The following MTA3 variants were observed in gnomAD, a reference collection of about 807,000 sequenced individuals.
The protein encoded by MTA3 is metastasis-associated protein MTA3.
MTA3 carries 34 observed loss-of-function variants against 83.5 expected under a neutral mutation model. That is an observed-to-expected ratio of 0.41 (90% CI 0.31 to 0.54). MTA3 has a LOEUF of 0.54. Ranked by LOEUF, MTA3 falls within the 20% of genes least tolerant of loss-of-function variation. The pLI is 0.33. For synonymous variants in MTA3, 303 were observed against 252.7 expected (o/e 1.20, Z -1.89); for missense variants, 761 against 726.4 (o/e 1.05, Z -0.55).
At chr2:42,500,811 CTTTTT>C (rs1177557640) in intron 2 of MTA3, among the ~76,000 whole-genome samples, 1 of 133,168 alleles carries the variant, frequency 7.5e-6, no homozygotes. Context: ...CTTTATGAAG[CTTTTT>C]TTTTTTTTTT....
intron 4 of MTA3, among the ~76,000 whole-genome samples, chr2:42,638,704 A>G (rs62142745): frequency 1.5e-5 from 1 of 67,604 alleles, no homozygotes; most frequent in Non-Finnish European, 2.7e-5. Context: ...AAGTGATGTT[A>G]ATTTTTTTTT....
At chr2:42,523,453 C>A (rs1675521605) in intron 2 of MTA3, among the ~76,000 whole-genome samples, 1 of 152,122 alleles carries the variant, frequency 6.6e-6, no homozygotes, top group Admixed American at 6.6e-5. Context: ...GATCCAGCCT[C>A]AACCAGGAAG....
At chr2:42,589,633 A>C (rs1371033469) in intron 3 of MTA3, among the ~76,000 whole-genome samples, 1 of 152,048 alleles carries the variant, frequency 6.6e-6, no homozygotes, top group Non-Finnish European at 1.5e-5. Context: ...GCTTACTGCA[A>C]CCTCTGCCTT....
chr2:42,721,004 T>C (rs2104538360), intron 15 of MTA3, among the ~76,000 whole-genome samples: 1 of 150,664 alleles, frequency 6.6e-6, no homozygotes, highest in African/African-American at 2.4e-5. Context: ...AATATAACAT[T>C]ATTAGCCTTT....
chr2:42,538,448 C>T (rs1222185423), intron 2 of MTA3, among the ~76,000 whole-genome samples: 1 of 151,866 alleles, frequency 6.6e-6, no homozygotes, highest in African/African-American at 2.4e-5. Context: ...TGGCTCATGC[C>T]TGTAATCCCA....
chr2:42,710,574 A>AG (rs1304118875), intron 14 of MTA3, among the ~76,000 whole-genome samples: 8 of 146,158 alleles, frequency 5.5e-5, no homozygotes, highest in African/African-American at 2.0e-4. Flanking sequence ...AAAAAAAAAA[A>AG]GAAAGTGGTA....
chr2:42,545,762 T>C (rs1676731804), intron 2 of MTA3, among the ~76,000 whole-genome samples: 4 of 152,170 alleles, frequency 2.6e-5, no homozygotes, highest in African/African-American at 7.2e-5. Context: ...CAAAAGCAGA[T>C]AGCTTACATA....
At chr2:42,524,406 T>G (rs1450986708) in intron 2 of MTA3, among the ~76,000 whole-genome samples, 2 of 151,562 alleles carry the variant, frequency 1.3e-5, no homozygotes, top group African/African-American at 4.8e-5. Context: ...GTTCACGCCA[T>G]TCTCCTGCCT....
chr2:42,687,998 C>T (rs1359628425), intron 9 of MTA3, among the ~76,000 whole-genome samples: 2 of 152,192 alleles, frequency 1.3e-5, no homozygotes, highest in Admixed American at 1.3e-4. Context: ...GGGTTTTTCC[C>T]ATCCTTGTAG....
At chr2:42,551,685 G>T (rs1204049385) in intron 2 of MTA3, among the ~76,000 whole-genome samples, 1 of 152,058 alleles carries the variant, frequency 6.6e-6, no homozygotes, top group South Asian at 2.1e-4. Context: ...CTGGGGAGTT[G>T]AGCAGATATT....
intron 6 of MTA3, among the ~76,000 whole-genome samples, chr2:42,645,175 C>CAAAAA (rs1224226672): frequency 2.5e-5 from 1 of 39,858 alleles, no homozygotes. Flanking sequence ...GACTCTGTCT[C>CAAAAA]AAAAAAAAAA....
chr2:42,703,139 T>A (rs1018556038), intron 11 of MTA3: 2 of 152,002 alleles, frequency 1.3e-5, no homozygotes, highest in African/African-American at 4.8e-5. Context: ...TTTATTTTTG[T>A]TTTTGTAGAG....
chr2:42,661,125 T>C (rs1454217684), intron 8 of MTA3, among the ~76,000 whole-genome samples: 1 of 152,236 alleles, frequency 6.6e-6, no homozygotes, highest in Non-Finnish European at 1.5e-5. Flanking sequence ...CATTAATATT[T>C]TACCCCAAAT....
At chr2:42,580,186 ATCC>A (rs1679461557) in intron 3 of MTA3, among the ~76,000 whole-genome samples, 1 of 150,760 alleles carries the variant, frequency 6.6e-6, no homozygotes, top group African/African-American at 2.4e-5. Flanking sequence ...GGCTCAAGTG[ATCC>A]TCCTACCTTG....
intron 3 of MTA3, among the ~76,000 whole-genome samples, chr2:42,607,076 GGGTAGGGGTAGGGGTAGGGGTAGA>G (rs1424493798): frequency 8.9e-6 from 1 of 112,308 alleles, no homozygotes; most frequent in East Asian, 2.3e-4. Context: ...GTAGGGGTAG[GGGTAGGGGTAGGGGTAGGGGTAGA>G]GGTAGAGGTA....
At chr2:42,517,670 G>A (rs922714265) in intron 2 of MTA3, among the ~76,000 whole-genome samples, 1 of 151,690 alleles carries the variant, frequency 6.6e-6, no homozygotes, top group African/African-American at 2.4e-5. Context: ...CTGAGGTCAA[G>A]AGTTCGAGAC....
At position 42,719,131 on chromosome 2, in the gene MTA3, A is replaced by G. The variant is rs995321269; in HGVS notation, c.1612+57A>G. The G allele has an allele frequency of 3.3e-5, 43 of 1,313,858 alleles. 1 individual carries two copies. In the African/African-American group the frequency reaches 6.0e-4, roughly 18 times the overall value. 81.4% of individuals were successfully genotyped at this position (1,313,858 alleles called of 1,614,324 possible). A position where few individuals can be genotyped will look rare whatever the true frequency, so the allele number is the denominator to read the frequency against. On this transcript the variant is annotated intron_variant, in intron 15 of 16. Transcript: ENST00000405094. ...AGAGCAATTTCTGAATAGTATAGAT[A>G]TTTGGCAATTCTAAATGGACATACC...
intron 16 of MTA3, among the ~76,000 whole-genome samples, chr2:42,731,355 G>T (rs1293907431): frequency 2.0e-5 from 3 of 152,144 alleles, no homozygotes; most frequent in Non-Finnish European, 4.4e-5. Context: ...TCACACTGCT[G>T]ATAAAGACAT....
At chr2:42,732,322 G>T (rs914142234) in intron 16 of MTA3, among the ~76,000 whole-genome samples, 1 of 152,198 alleles carries the variant, frequency 6.6e-6, no homozygotes, top group African/African-American at 2.4e-5. Flanking sequence ...TGCACCCACA[G>T]GCTCAACACC....
Sources: gnomAD v4.1 joint callset for allele counts (sites outside exome capture counted in the v4.1 genomes callset) on GRCh38, gnomAD v4.1.1 for gene constraint, MANE v1.5 for transcripts, NCBI Gene and HGNC (gene_info 2026-07-23, HGNC 2026-07-21) for gene names.